Variants in PCDHA9 observed in about 807,000 individuals in gnomAD.
PCDHA9 encodes protocadherin alpha-9.
PCDHA9 carries 62 observed loss-of-function variants against 62.0 expected under a neutral mutation model. The ratio of observed to expected loss-of-function variants is 1.00; its 90% CI spans 0.81 to 1.23. PCDHA9 has a LOEUF of 1.23. Ranked by LOEUF, PCDHA9 falls within the 50% of genes most tolerant of loss-of-function variation. The pLI is 0.00. For synonymous variants in PCDHA9, 557 were observed against 567.6 expected, an observed-to-expected ratio of 0.98 and a Z score of 0.27; for missense variants, 1,205 against 1,249.8, an observed-to-expected ratio of 0.96 and a Z score of 0.54.
At chr5:140,931,881 T>C (rs2087825880) in intron 1 of PCDHA9, among the ~76,000 whole-genome samples, 1 of 152,002 alleles carries the variant, frequency 6.6e-6, no homozygotes, top group African/African-American at 2.4e-5. Flanking sequence ...TTTATTGCTT[T>C]CATTTTATTT....
At chr5:141,005,909 T>C (rs1368661717) in intron 3 of PCDHA9, among the ~76,000 whole-genome samples, 1 of 151,946 alleles carries the variant, frequency 6.6e-6, no homozygotes, top group African/African-American at 2.4e-5. Context: ...ATTGCACCAC[T>C]GCACTTCAGC....
intron 3 of PCDHA9, among the ~76,000 whole-genome samples, chr5:141,000,415 A>ATTT (rs1563651650): frequency 1.1e-5 from 1 of 87,398 alleles, no homozygotes; most frequent in South Asian, 4.0e-4. Flanking sequence ...ATATATATAT[A>ATTT]TATATATTTT....
rs530428922 is a variant in PCDHA9, at chr5:140,875,375, A to G, written c.2394+24486A>G. On this transcript the variant is annotated intron_variant, in intron 1 of 3. Transcript: ENST00000532602. ...TGTGATGCTGGAAAAAATTTACTAA[A>G]TATGTACTTACAGAAAAGGGTGACT... 70 of 1,456,838 alleles carry G rather than the reference A, an allele frequency of 4.8e-5. No individual in the cohort carries two copies. The African/African-American group carries it at 9.9e-4, about 21-fold the overall frequency. The allele number at this position is 1,456,838 out of a possible 1,614,324, so 90.2% of individuals were successfully genotyped here. A position where few individuals can be genotyped will look rare whatever the true frequency, so the allele number is the denominator to read the frequency against.
intron 1 of PCDHA9, among the ~76,000 whole-genome samples, chr5:140,973,261 C>G (rs1162687249): frequency 6.6e-6 from 1 of 152,156 alleles, no homozygotes; most frequent in African/African-American, 2.4e-5. Flanking sequence ...TCAGTGGCAC[C>G]TACTTTTATT....
intron 1 of PCDHA9, chr5:140,969,571 G>A: frequency 9.5e-7 from 1 of 1,050,970 alleles, no homozygotes; most frequent in Non-Finnish European, 1.3e-6. Context: ...AATTGTTTGA[G>A]AAGTGAGGAT....
At chr5:140,978,048 C>T (rs2096787371) in intron 1 of PCDHA9, among the ~76,000 whole-genome samples, 1 of 152,146 alleles carries the variant, frequency 6.6e-6, no homozygotes, top group African/African-American at 2.4e-5. Flanking sequence ...GTGATGGTGA[C>T]TGATGATGTC....
In PCDHA9 at chr5:140,883,030, C is replaced by G. The variant is rs1554176556; in HGVS notation, c.2394+32141C>G. ...TTTATAAAGTGACGGTGTTAGAGAA[C>G]GCCTTCAATGGAACATTAGTGATCA... On this transcript the variant is annotated intron_variant, in intron 1 of 3. Coordinates refer to ENST00000532602, the MANE Select transcript of PCDHA9 (RefSeq NM_031857.2). 1 of 1,613,940 alleles carries G rather than the reference C, an allele frequency of 6.2e-7. No individual in the cohort carries two copies. Among genetic ancestry groups the G allele is most frequent in the Non-Finnish European group, 8.5e-7 (1 of 1,180,036 alleles).
At chr5:140,981,584 A>G (rs556917015) in intron 2 of PCDHA9, among the ~76,000 whole-genome samples, 1 of 152,258 alleles carries the variant, frequency 6.6e-6, no homozygotes, top group Non-Finnish European at 1.5e-5. Context: ...AAAAATAAAT[A>G]AAATAAAACA....
intron 1 of PCDHA9, chr5:140,853,930 A>G: frequency 1.1e-6 from 1 of 887,870 alleles, no homozygotes; most frequent in Non-Finnish European, 1.4e-6. Flanking sequence ...ACATTTTGGG[A>G]GGCCAAGGTG....
chr5:141,006,507 C>T (rs2098276539), intron 3 of PCDHA9, among the ~76,000 whole-genome samples: 1 of 152,156 alleles, frequency 6.6e-6, no homozygotes, highest in Admixed American at 6.5e-5. Flanking sequence ...GCCACCGCGC[C>T]TGGCTGTTAT....
chr5:140,929,409 T>C, intron 1 of PCDHA9: 11 of 1,506,206 alleles, frequency 7.3e-6, no homozygotes, highest in Non-Finnish European at 9.8e-6. Context: ...GACAAGCCTT[T>C]CACAACATTT....
intron 1 of PCDHA9, among the ~76,000 whole-genome samples, chr5:140,962,378 G>A (rs184607177): frequency 2.1e-3 from 316 of 152,286 alleles, no homozygotes; most frequent in African/African-American, 7.3e-3. Context: ...GATTTTATCT[G>A]TTAATATTAC....
At chr5:140,971,376 C>CT (rs1334633165) in intron 1 of PCDHA9, among the ~76,000 whole-genome samples, 1 of 152,164 alleles carries the variant, frequency 6.6e-6, no homozygotes, top group Non-Finnish European at 1.5e-5. Context: ...GAGTGCATGA[C>CT]TTTAATAAAG....
chr5:141,006,525 T>G (rs1366958955), intron 3 of PCDHA9, among the ~76,000 whole-genome samples: 1 of 152,108 alleles, frequency 6.6e-6, no homozygotes, highest in African/African-American at 2.4e-5. Context: ...TATACATCAG[T>G]TTTTAAAGAG....
chr5:140,928,861 A>C (rs781787998), intron 1 of PCDHA9: 3 of 1,614,164 alleles, frequency 1.9e-6, no homozygotes, highest in Non-Finnish European at 2.5e-6. Context: ...TGTGCTGTTG[A>C]GCAACTCTGT....
At chr5:140,852,971 C>G (rs2150526229) in intron 1 of PCDHA9, 1 of 376,366 alleles carries the variant, frequency 2.7e-6, no homozygotes, top group African/African-American at 2.2e-5. Flanking sequence ...CTCCCCCTCC[C>G]GTGTTCACGC....
chr5:140,856,074 G>A, intron 1 of PCDHA9: 1 of 1,592,254 alleles, frequency 6.3e-7, no homozygotes, highest in Non-Finnish European at 8.6e-7. Context: ...AGCTGCCTGG[G>A]GGTCCAGTGT....
intron 1 of PCDHA9, among the ~76,000 whole-genome samples, chr5:140,941,561 C>T (rs782382112): frequency 2.1e-4 from 32 of 151,880 alleles, no homozygotes; most frequent in Middle Eastern, 3.2e-3. Context: ...GTGATCCATT[C>T]GCCTCAGCCT....
At chr5:140,909,344 C>T (rs900022411) in intron 1 of PCDHA9, among the ~76,000 whole-genome samples, 1 of 152,164 alleles carries the variant, frequency 6.6e-6, no homozygotes, top group Non-Finnish European at 1.5e-5. Context: ...TACCAGGTAC[C>T]AAGAGATGTG....
Sources: gnomAD v4.1 joint callset for allele counts (sites outside exome capture counted in the v4.1 genomes callset) on GRCh38, gnomAD v4.1.1 for gene constraint, MANE v1.5 for transcripts, NCBI Gene and HGNC (gene_info 2026-07-23, HGNC 2026-07-21) for gene names.